ANKEF1: variants seen among roughly 807,000 people sequenced by gnomAD.
The protein encoded by ANKEF1 is ankyrin repeat and EF-hand domain containing 1.
Under a neutral mutation model 65.1 loss-of-function variants are expected in ANKEF1, and 43 were observed. The observed-to-expected ratio is 0.66, with a 90% CI of 0.52 to 0.85. ANKEF1 has a LOEUF of 0.85. ANKEF1 is among the 40% of genes least tolerant of loss of function. The probability of loss-of-function intolerance (pLI) is 0.00; values close to 1 mark genes in which losing one functional copy is unlikely to be tolerated. For missense variants in ANKEF1, 934 were observed against 952.9 expected (o/e 0.98, Z 0.26); for synonymous variants, 316 against 341.5 (o/e 0.93, Z 0.82).
At chr20:10,044,609 T>G (rs1984402637) in intron 5 of ANKEF1, 66 bp downstream of exon 5, 1 of 1,578,420 alleles carries the variant, frequency 6.3e-7, no homozygotes, top group Non-Finnish European at 8.6e-7. Context: ...CTCAAATTTT[T>G]TTATATGTCA....
At chr20:10,040,501 T>C (rs1984120107) in intron 3 of ANKEF1, 1 of 152,234 alleles carries the variant, frequency 6.6e-6, no homozygotes, top group Non-Finnish European at 1.5e-5. Flanking sequence ...TCTAAGCCAA[T>C]ACATTCTTTC....
rs1983976508 is a variant in ANKEF1, at chr20:10,038,309, T to C, written c.8T>C (p.Leu3Ser). The C allele has an allele frequency of 1.3e-6, 2 of 1,547,140 alleles. No homozygotes were observed. The highest frequency in any genetic ancestry group is 1.8e-6 in the Non-Finnish European group (2 of 1,139,666). The change falls in exon 3 of 11, where the codon TTA becomes TCA. Residue 3 changes from leucine to serine, a missense_variant. Transcript: ENST00000378392. ...TCAAGGAGCTGGTCAAGCATGGCTT[T>C]AGCAGATAAGAGACTTGAGAACTTA... is the stretch of plus-strand genomic sequence containing the variant. MA[L>S]ADKRLENLQI...
intron 5 of ANKEF1, 139 bp from the exon 6 acceptor site, chr20:10,045,430 CAGTTT>C: frequency 3.8e-6 from 3 of 791,150 alleles, no homozygotes; most frequent in Admixed American, 5.9e-5. Context: ...TAAATATTTT[CAGTTT>C]AGTTCATTTC....
intron 2 of ANKEF1, among the ~76,000 whole-genome samples, chr20:10,037,204 G>A (rs926841778): frequency 6.6e-6 from 1 of 152,154 alleles, no homozygotes; most frequent in Non-Finnish European, 1.5e-5. Flanking sequence ...TGACGGGGGA[G>A]AAGATGTATT....
chr20:10,049,981 A>G lies in ANKEF1; in HGVS notation c.1412A>G (p.Asp471Gly). Residue 471 changes from aspartate to glycine, a missense_variant, in exon 7 of 11, where the codon GAT (aspartate) becomes GGT (glycine). Asp to Gly is a moderately conservative substitution (Grantham distance 94). Transcript: ENST00000378392. ...NVTDSSRFNR[D>G]HPPEHPIQDD... ...ACTGATAGCAGCCGGTTTAATAGAG[A>G]TCATCCCCCAGAACATCCCATTCAG... 6.2e-7 allele frequency: 1 copy of G among 1,614,136 alleles called. No individual in the cohort carries two copies.
In ANKEF1 at chr20:10,050,025, A is replaced by G. The variant is rs751995983; in HGVS notation, c.1456A>G (p.Ile486Val). The G allele has an allele frequency of 1.4e-5, 22 of 1,614,008 alleles. No individual in the cohort carries two copies. The African/African-American group carries it at 2.4e-4, about 18-fold the overall frequency. Residue 486 changes from isoleucine (I) to valine (V), a missense_variant, in exon 7 of 11, where the codon ATT (isoleucine) becomes GTT (valine). Ile to Val is a conservative substitution (Grantham distance 29). Coordinates refer to ENST00000378392, the MANE Select transcript of ANKEF1 (RefSeq NM_022096.6). ...HPIQDDSVWY[I>V]DDSEKVFSNI... ...CATTCAGGATGACTCTGTTTGGTAC[A>G]TTGATGATTCAGAGAAGGTATTTTC...
chr20:10,041,581 A>G (rs1317428509), intron 3 of ANKEF1, among the ~76,000 whole-genome samples: 2 of 152,162 alleles, frequency 1.3e-5, no homozygotes, highest in Admixed American at 6.5e-5. Flanking sequence ...CCTGCTTTAC[A>G]TAATATCTCA....
At position 10,054,445 on chromosome 20, in the gene ANKEF1, T is replaced by C. The variant is rs1170255237; in HGVS notation, c.2035-17T>C. On this transcript the variant is annotated splice_polypyrimidine_tract_variant and intron_variant, in intron 9 of 10. Transcript: ENST00000378392. ...ATAGATTTTTACAATTTATAATTTT[T>C]TTGTTCTTGTTTCCAGGAACTGCTG... 9 of 1,520,972 alleles carry C rather than the reference T, an allele frequency of 5.9e-6. No individual in the cohort carries two copies. The highest frequency in any genetic ancestry group is 7.9e-6 in the Non-Finnish European group (9 of 1,139,890). 94.2% of individuals were successfully genotyped at this position (1,520,972 alleles called of 1,614,324 possible).
chr20:10,049,315 C>A, intron 6 of ANKEF1, 75 bp from the exon 7 acceptor site: 1 of 1,339,782 alleles, frequency 7.5e-7, no homozygotes, highest in Non-Finnish European at 1.0e-6. Context: ...ATTAAGAAAA[C>A]AGTTGGATGA....
In ANKEF1 at chr20:10,040,091, C is replaced by A. The variant is rs117643677; in HGVS notation, c.346+1444C>A. ...AGGCATATGGCTAAAGGAAACAAAT[C>A]TCATGGGCAGAACTGAAACTATAAA... On this transcript the variant is annotated intron_variant, in intron 3 of 10. Transcript: ENST00000378392. 9.3e-4 allele frequency among the ~76,000 whole-genome samples: 142 copies of A among 152,292 alleles called. 1 individual carries two copies. In the East Asian group the frequency reaches 0.024, roughly 25 times the overall value.
intron 2 of ANKEF1, among the ~76,000 whole-genome samples, chr20:10,037,762 T>C (rs757314955): frequency 6.6e-6 from 1 of 152,250 alleles, no homozygotes; most frequent in African/African-American, 2.4e-5. Flanking sequence ...AACTACATCT[T>C]TTCCACTTAA....
chr20:10,040,451 T>A (rs2122226522), intron 3 of ANKEF1, among the ~76,000 whole-genome samples: 1 of 152,354 alleles, frequency 6.6e-6, no homozygotes, highest in East Asian at 1.9e-4. Context: ...AGCGGCACTT[T>A]CTCTTGGAAC....
chr20:10,050,604 T>A (rs937337814), intron 7 of ANKEF1, among the ~76,000 whole-genome samples: 1 of 139,786 alleles, frequency 7.2e-6, no homozygotes, highest in African/African-American at 2.7e-5. Context: ...GAAACCAGGA[T>A]AATGGGAGCA....
At chr20:10,039,889 C>T (rs1205646750) in intron 3 of ANKEF1, among the ~76,000 whole-genome samples, 1 of 151,976 alleles carries the variant, frequency 6.6e-6, no homozygotes, top group Non-Finnish European at 1.5e-5. Flanking sequence ...GTTTTGTGGA[C>T]TAACCTTTGG....
In ANKEF1 at chr20:10,058,262, G is replaced by A. The variant is rs1985272203; in HGVS notation, c.*2602G>A. ...GAGTTCAATTGTTGTCTTTTCTCAA[G>A]CTTACTTTATTGCACAAATACAGTA... On this transcript the variant is annotated 3_prime_UTR_variant, in exon 11 of 11. Transcript: ENST00000378392. The A allele has an allele frequency of 6.6e-6, 1 of 152,082 alleles. No individual in the cohort carries two copies. The highest frequency in any genetic ancestry group is 3.2e-3 in the Middle Eastern group (1 of 316). The allele number at this position is 152,082 out of a possible 1,614,324, so 9.4% of individuals were successfully genotyped here. A position where few individuals can be genotyped will look rare whatever the true frequency, so the allele number is the denominator to read the frequency against.
At chr20:10,039,578 C>A (rs1031597663) in intron 3 of ANKEF1, among the ~76,000 whole-genome samples, 4 of 152,072 alleles carry the variant, frequency 2.6e-5, no homozygotes, top group Admixed American at 6.6e-5. Context: ...TTAATTGTAC[C>A]ACGTAAGAAA....
chr20:10,040,808 G>A (rs1253479380), intron 3 of ANKEF1: 4 of 151,996 alleles, frequency 2.6e-5, no homozygotes, highest in Non-Finnish European at 5.9e-5. Context: ...TTTCATAAGT[G>A]GCTCTGGGCC....
chr20:10,036,204 A>C (rs765188910), intron 2 of ANKEF1, among the ~76,000 whole-genome samples: 2 of 152,224 alleles, frequency 1.3e-5, no homozygotes, highest in Non-Finnish European at 2.9e-5. Context: ...GGACCTACTG[A>C]ATTCATCACT....
At chr20:10,042,326 C>A (rs2122232275) in intron 3 of ANKEF1, among the ~76,000 whole-genome samples, 1 of 151,956 alleles carries the variant, frequency 6.6e-6, no homozygotes, top group South Asian at 2.1e-4. Flanking sequence ...TTTTTCCTTG[C>A]AGTATTTTTT....
Sources: gnomAD v4.1 joint callset for allele counts (sites outside exome capture counted in the v4.1 genomes callset) on GRCh38, gnomAD v4.1.1 for gene constraint, MANE v1.5 for transcripts, NCBI Gene and HGNC (gene_info 2026-07-23, HGNC 2026-07-21) for gene names.